SLC35F1: variants seen among roughly 807,000 people sequenced by gnomAD.
SLC35F1 encodes the protein chromosome 6 open reading frame 169.
SLC35F1 carries 14 observed loss-of-function variants against 48.7 expected under a neutral mutation model. That is an observed-to-expected ratio of 0.29 (90% CI 0.19 to 0.45). The LOEUF (loss-of-function observed/expected upper bound fraction) is 0.45, where lower values mean the gene tolerates loss of function less well. SLC35F1 is among the 20% of genes least tolerant of loss of function. The pLI is 1.00. For missense variants in SLC35F1, 404 were observed against 500.0 expected (o/e 0.81, Z 1.83); for synonymous variants, 190 against 202.2 (o/e 0.94, Z 0.51).
intron 2 of SLC35F1, among the ~76,000 whole-genome samples, chr6:118,219,930 A>C (rs1775124135): frequency 6.6e-6 from 1 of 152,186 alleles, no homozygotes; most frequent in Admixed American, 6.5e-5. Context: ...AGAAAACCAA[A>C]CACCTCATGT....
intron 2 of SLC35F1, among the ~76,000 whole-genome samples, chr6:118,211,842 C>A (rs1012900619): frequency 1.3e-5 from 2 of 152,120 alleles, no homozygotes; most frequent in Non-Finnish European, 2.9e-5. Flanking sequence ...AATTGGATTT[C>A]TCAGGTAAGG....
chr6:118,237,351 ACACAC>A (rs1423346999), intron 3 of SLC35F1, among the ~76,000 whole-genome samples: 2 of 151,850 alleles, frequency 1.3e-5, no homozygotes, highest in African/African-American at 2.4e-5. Context: ...ACACACACAC[ACACAC>A]AAAATGGTTG....
chr6:118,112,388 T>G (rs972235179), intron 1 of SLC35F1, among the ~76,000 whole-genome samples: 1 of 152,168 alleles, frequency 6.6e-6, no homozygotes, highest in Non-Finnish European at 1.5e-5. Context: ...CTCCCCATGA[T>G]CTTTTTAAAT....
At chr6:117,957,990 A>G (rs1432701893) in intron 1 of SLC35F1, among the ~76,000 whole-genome samples, 1 of 152,220 alleles carries the variant, frequency 6.6e-6, no homozygotes, top group East Asian at 1.9e-4. Context: ...TTGTTATCAT[A>G]GGAGATGACA....
intron 3 of SLC35F1, among the ~76,000 whole-genome samples, chr6:118,245,383 C>G (rs1373621142): frequency 6.6e-6 from 1 of 152,156 alleles, no homozygotes; most frequent in Non-Finnish European, 1.5e-5. Flanking sequence ...CTGTGGATTT[C>G]CAGGAGGTTT....
intron 1 of SLC35F1, among the ~76,000 whole-genome samples, chr6:118,106,115 T>C (rs1462769865): frequency 1.3e-5 from 2 of 152,136 alleles, no homozygotes; most frequent in East Asian, 3.9e-4. Context: ...ATATAAAAGT[T>C]AGAAGCCTGA....
chr6:118,107,348 T>A (rs1773339790), intron 1 of SLC35F1, among the ~76,000 whole-genome samples: 2 of 152,224 alleles, frequency 1.3e-5, no homozygotes, highest in Admixed American at 1.3e-4. Context: ...TTCTGTACTC[T>A]AACTTCCAAA....
intron 7 of SLC35F1, among the ~76,000 whole-genome samples, chr6:118,291,215 G>T (rs1776117322): frequency 6.6e-6 from 1 of 151,450 alleles, no homozygotes; most frequent in South Asian, 2.1e-4. Context: ...GATGATATGG[G>T]AGTGGGAGAA....
chr6:118,218,580 C>T (rs1775105047), intron 2 of SLC35F1, among the ~76,000 whole-genome samples: 1 of 152,144 alleles, frequency 6.6e-6, no homozygotes, highest in African/African-American at 2.4e-5. Context: ...TTTCTTACCT[C>T]CTATCTTGAC....
chr6:117,921,681 C>T (rs115117612), intron 1 of SLC35F1, among the ~76,000 whole-genome samples: 1,990 of 152,294 alleles, frequency 0.013, 55 homozygotes, highest in African/African-American at 0.045. Context: ...ATTTGCAACT[C>T]TTAGGCTGAT....
At chr6:117,961,626 C>T (rs1014573388) in intron 1 of SLC35F1, among the ~76,000 whole-genome samples, 1 of 152,180 alleles carries the variant, frequency 6.6e-6, no homozygotes, top group African/African-American at 2.4e-5. Context: ...TCCTGAAGGA[C>T]CTGACTGCCA....
chr6:118,056,870 G>A (rs1772469974), intron 1 of SLC35F1, among the ~76,000 whole-genome samples: 2 of 152,052 alleles, frequency 1.3e-5, no homozygotes, highest in Non-Finnish European at 2.9e-5. Context: ...GAAACAAAAA[G>A]GTTAAGAATG....
chr6:118,172,236 T>C (rs1774416759), intron 2 of SLC35F1, among the ~76,000 whole-genome samples: 1 of 152,134 alleles, frequency 6.6e-6, no homozygotes, highest in Non-Finnish European at 1.5e-5. Context: ...TTCCAACATT[T>C]GGATTTTGGG....
At chr6:117,999,378 C>G (rs893316994) in intron 1 of SLC35F1, 16 of 1,584,084 alleles carry the variant, frequency 1.0e-5, no homozygotes, top group Non-Finnish European at 1.4e-5. Flanking sequence ...AAGGCCCAGG[C>G]TGCAGCTCCA....
intron 3 of SLC35F1, among the ~76,000 whole-genome samples, chr6:118,263,754 A>G (rs1210945338): frequency 1.3e-5 from 2 of 152,228 alleles, no homozygotes; most frequent in Middle Eastern, 3.4e-3. Context: ...TCTAACAACC[A>G]CTTAGCCAAG....
chr6:117,935,163 CA>C (rs1224615709), intron 1 of SLC35F1, among the ~76,000 whole-genome samples: 1 of 152,170 alleles, frequency 6.6e-6, no homozygotes, highest in Non-Finnish European at 1.5e-5. Flanking sequence ...AACTTATGCA[CA>C]AATTCTACAC....
intron 1 of SLC35F1, among the ~76,000 whole-genome samples, chr6:117,965,445 G>A (rs1315956744): frequency 6.6e-6 from 1 of 152,172 alleles, no homozygotes; most frequent in Non-Finnish European, 1.5e-5. Flanking sequence ...AACAGGTGAG[G>A]CTGCTGCCAA....
At chr6:118,182,695 C>T (rs576991427) in intron 2 of SLC35F1, among the ~76,000 whole-genome samples, 35 of 151,998 alleles carry the variant, frequency 2.3e-4, no homozygotes, top group Non-Finnish European at 3.5e-4. Flanking sequence ...ATGATGAGAC[C>T]TCATCTCTAT....
chr6:118,089,909 CA>C (rs900120495), intron 1 of SLC35F1, among the ~76,000 whole-genome samples: 2 of 152,196 alleles, frequency 1.3e-5, no homozygotes, highest in African/African-American at 4.8e-5. Context: ...ATTCTTGACT[CA>C]AAGCCGAAAA....
Sources: gnomAD v4.1 joint callset for allele counts (sites outside exome capture counted in the v4.1 genomes callset) on GRCh38, gnomAD v4.1.1 for gene constraint, MANE v1.5 for transcripts, NCBI Gene and HGNC (gene_info 2026-07-23, HGNC 2026-07-21) for gene names.